WDR17: variants seen among roughly 807,000 people sequenced by gnomAD.
WDR17 encodes the protein WD repeat domain 17, also known as WD repeat-containing protein 17.
WDR17 carries 143 observed loss-of-function variants against 161.7 expected under a neutral mutation model. The ratio of observed to expected loss-of-function variants is 0.88; its 90% CI spans 0.77 to 1.02. The LOEUF (loss-of-function observed/expected upper bound fraction) is 1.02. Among genes scored for constraint, WDR17 ranks in the 50% least tolerant of loss-of-function variants. WDR17 has a pLI of 0.00. For synonymous variants in WDR17, 517 were observed against 515.6 expected (o/e 1.00, Z -0.04); for missense variants, 1,469 against 1,520.9 (o/e 0.97, Z 0.57).
intron 1 of WDR17, among the ~76,000 whole-genome samples, chr4:176,086,824 T>G (rs1197982359): frequency 1.3e-5 from 2 of 151,692 alleles, no homozygotes; most frequent in Non-Finnish European, 3.0e-5. Flanking sequence ...TTATTTACAG[T>G]TTTTGTTTTC....
intron 17 of WDR17, among the ~76,000 whole-genome samples, chr4:176,155,535 ATTTG>A (rs1747930120): frequency 1.0e-5 from 1 of 99,910 alleles, no homozygotes; most frequent in South Asian, 3.2e-4. Context: ...TTTTTTGTTT[ATTTG>A]TTTGTGTTTT....
intron 4 of WDR17, among the ~76,000 whole-genome samples, chr4:176,124,002 G>GGAAACAGGGAT (rs1742030974): frequency 6.6e-6 from 1 of 152,176 alleles, no homozygotes; most frequent in Non-Finnish European, 1.5e-5. Flanking sequence ...TGTAATGCCA[G>GGAAACAGGGAT]GAAACAGGGA....
intron 2 of WDR17, among the ~76,000 whole-genome samples, chr4:176,112,018 C>T (rs1739847399): frequency 6.6e-6 from 1 of 152,104 alleles, no homozygotes; most frequent in Non-Finnish European, 1.5e-5. Context: ...GGGAGAAAAA[C>T]TTGTATAACT....
At chr4:176,075,119 C>T (rs999371675) in intron 1 of WDR17, among the ~76,000 whole-genome samples, 4 of 151,730 alleles carry the variant, frequency 2.6e-5, no homozygotes, top group Non-Finnish European at 5.9e-5. Flanking sequence ...TATAACTACT[C>T]TTTTCATATT....
At chr4:176,167,644 C>CAAA (rs34187946) in intron 22 of WDR17, among the ~76,000 whole-genome samples, 1,742 of 23,756 alleles carry the variant, frequency 0.073, 385 homozygotes, top group Middle Eastern at 0.17. Context: ...GACTCCGTCT[C>CAAA]AAAAAAAAAA....
At chr4:176,096,705 C>A in intron 1 of WDR17, 7 of 669,184 alleles carry the variant, frequency 1.0e-5, no homozygotes, top group South Asian at 2.8e-5. Context: ...AAGTTCTGAG[C>A]GTGAATAAGA....
intron 1 of WDR17, among the ~76,000 whole-genome samples, chr4:176,095,842 G>C (rs1736774364): frequency 6.6e-6 from 1 of 151,978 alleles, no homozygotes; most frequent in Non-Finnish European, 1.5e-5. Context: ...TCCAGTGTAG[G>C]AAGAAATATC....
chr4:176,098,965 A>G (rs1162836295), intron 1 of WDR17, among the ~76,000 whole-genome samples: 1 of 152,090 alleles, frequency 6.6e-6, no homozygotes, highest in Non-Finnish European at 1.5e-5. Context: ...ACCAAATTTT[A>G]TGTCAACATA....
At chr4:176,135,588 A>G (rs1458524971) in intron 8 of WDR17, among the ~76,000 whole-genome samples, 2 of 151,602 alleles carry the variant, frequency 1.3e-5, no homozygotes, top group Non-Finnish European at 3.0e-5. Context: ...TACAATTTAC[A>G]TGATAGAGGT....
intron 13 of WDR17, 84 bp from the exon 14 acceptor site, chr4:176,149,723 C>A: frequency 6.5e-7 from 1 of 1,527,614 alleles, no homozygotes; most frequent in Non-Finnish European, 8.9e-7. Flanking sequence ...AGCTTCAATT[C>A]TGTAGAAGTT....
Position 176,119,931 on chromosome 4 carries a change from A to C in WDR17, c.372A>C (p.Arg124Ser). The stretch of plus-strand genomic sequence containing the variant: ...ATGTGGTGGCATTTGTTTCCCACAG[A>C]GGCCCACTGTTCATTTGGACCATCT... ...AEDVVAFVSH[R>S]GPLFIWTISG... The change falls in exon 4 of 29, where the codon AGA becomes AGC. Residue 124 changes from arginine (R) to serine (S), a missense_variant. Physicochemically the swap from Arg to Ser is moderately radical, Grantham distance 110. Coordinates refer to ENST00000508596, the MANE Select transcript of WDR17 (RefSeq NM_181265.4). 2 of 1,614,106 alleles carry C rather than the reference A, an allele frequency of 1.2e-6. No individual in the cohort carries two copies. Among genetic ancestry groups the C allele is most frequent in the Non-Finnish European group, 1.7e-6 (2 of 1,180,000 alleles).
At chr4:176,127,312 A>G (rs1018344647) in intron 5 of WDR17, among the ~76,000 whole-genome samples, 2 of 142,900 alleles carry the variant, frequency 1.4e-5, no homozygotes, top group African/African-American at 5.3e-5. Flanking sequence ...TTTTTTTTTG[A>G]GACAGTGTCT....
chr4:176,155,688 G>GT (rs1241085812), intron 17 of WDR17, among the ~76,000 whole-genome samples: 1 of 143,788 alleles, frequency 7.0e-6, no homozygotes, highest in African/African-American at 2.6e-5. Flanking sequence ...AGAACTACAA[G>GT]TGTGCACCAC....
At chr4:176,087,495 C>A (rs1041757750) in intron 1 of WDR17, among the ~76,000 whole-genome samples, 1 of 151,922 alleles carries the variant, frequency 6.6e-6, no homozygotes, top group African/African-American at 2.4e-5. Flanking sequence ...TTTAACTTAC[C>A]CTGCTTGGAG....
intron 1 of WDR17, among the ~76,000 whole-genome samples, chr4:176,097,673 GA>G (rs1295215439): frequency 4.0e-5 from 6 of 150,516 alleles, no homozygotes; most frequent in Admixed American, 1.3e-4. Flanking sequence ...ATAAATGATG[GA>G]AATATTTCAG....
chr4:176,109,189 A>G (rs766813116), intron 1 of WDR17, among the ~76,000 whole-genome samples: 1 of 152,212 alleles, frequency 6.6e-6, no homozygotes, highest in South Asian at 2.1e-4. Context: ...ATCAAAAGAC[A>G]TTTTTACTTA....
intron 1 of WDR17, among the ~76,000 whole-genome samples, chr4:176,097,472 G>A (rs1479191122): frequency 6.6e-6 from 1 of 151,634 alleles, no homozygotes; most frequent in African/African-American, 2.4e-5. Context: ...ATCCTCAACA[G>A]TTTAAAGCCT....
intron 2 of WDR17, among the ~76,000 whole-genome samples, chr4:176,113,895 G>A (rs1740183876): frequency 6.6e-6 from 1 of 151,924 alleles, no homozygotes; most frequent in South Asian, 2.1e-4. Context: ...TAAAAGTAGA[G>A]TAATTTATGG....
At chr4:176,152,039 A>G in intron 17 of WDR17, 72 bp downstream of exon 17, 1 of 1,465,550 alleles carries the variant, frequency 6.8e-7, no homozygotes, top group Non-Finnish European at 9.2e-7. Flanking sequence ...ACTCAATTTT[A>G]AGTATTAAAA....
Sources: gnomAD v4.1 joint callset for allele counts (sites outside exome capture counted in the v4.1 genomes callset) on GRCh38, gnomAD v4.1.1 for gene constraint, MANE v1.5 for transcripts, NCBI Gene and HGNC (gene_info 2026-07-23, HGNC 2026-07-21) for gene names.